PVT1: variants seen among roughly 807,000 people sequenced by gnomAD.
PVT1 encodes the protein CXCR4/PVT1 fusion.
rs115538579 is a variant in PVT1, at chr8:128,046,389, G to A, written n.913-23771G>A. ...GTCGGTCAGTAACTTGTTCAACCTGGGAATGGCAGAGCTGGGATCTGAAGT... is the reference window on the plus strand; with the variant it reads ...GTCGGTCAGTAACTTGTTCAACCTGAGAATGGCAGAGCTGGGATCTGAAGT... On this transcript the variant is annotated intron_variant and non_coding_transcript_variant, in intron 4 of 10. Transcript: ENST00000651587. Among the ~76,000 whole-genome samples, 368 of 152,332 alleles carry A rather than the reference G, an allele frequency of 2.4e-3. 2 individuals carry two copies. The highest frequency in any genetic ancestry group is 8.5e-3 in the African/African-American group (355 of 41,576).
chr8:127,813,091 G>A (rs991893018), intron 2 of PVT1, among the ~76,000 whole-genome samples: 5 of 149,472 alleles, frequency 3.3e-5, no homozygotes, highest in Non-Finnish European at 5.9e-5. Flanking sequence ...ACTTCGTGCC[G>A]GTTTGAACTT....
In PVT1 at chr8:127,972,384, T is replaced by C. The variant is rs537883948; in HGVS notation, n.783-16778T>C. The stretch of plus-strand genomic sequence containing the variant: ...CTCACAGGGTGTTCGATGGTTTCAA[T>C]TGGAGCTGTTGAACTGTGGCCTAAG... On this transcript the variant is annotated intron_variant and non_coding_transcript_variant, in intron 3 of 10. Transcript: ENST00000651587. Among the ~76,000 whole-genome samples, 7 of 152,310 alleles carry C rather than the reference T, an allele frequency of 4.6e-5. No individual in the cohort carries two copies. The East Asian group carries it at 1.4e-3, about 29-fold the overall frequency.
intron 2 of PVT1, among the ~76,000 whole-genome samples, chr8:127,838,230 G>A (rs557903944): frequency 6.6e-6 from 1 of 152,098 alleles, no homozygotes; most frequent in Non-Finnish European, 1.5e-5. Flanking sequence ...ATGTGTATAT[G>A]TAATATCTGA....
chr8:127,869,346 G>T (rs543528616), intron 2 of PVT1, among the ~76,000 whole-genome samples: 8 of 152,014 alleles, frequency 5.3e-5, no homozygotes, highest in African/African-American at 1.9e-4. Context: ...GCCCAGGCTG[G>T]TCTCGAACTC....
At chr8:127,865,718 A>G (rs1312989671) in intron 2 of PVT1, among the ~76,000 whole-genome samples, 1 of 152,234 alleles carries the variant, frequency 6.6e-6, no homozygotes, top group Non-Finnish European at 1.5e-5. Flanking sequence ...GAACTGTATC[A>G]TAATAAATGT....
Position 127,855,481 on chromosome 8 carries a change from G to A in PVT1, n.373-35108G>A, listed in dbSNP as rs1025388736. 5.0e-4 allele frequency among the ~76,000 whole-genome samples: 76 copies of A among 152,176 alleles called. 2 individuals carry two copies. Among genetic ancestry groups the A allele is most frequent in the Non-Finnish European group, 2.4e-4 (16 of 68,034 alleles). On this transcript the variant is annotated intron_variant and non_coding_transcript_variant, in intron 2 of 10. Coordinates refer to ENST00000651587, the Ensembl canonical transcript of PVT1. ...TCCAGCTTCACCCTCCTTTAGTCAG[G>A]TGGCTTTGGGGGGGACATTTCTGCT...
intron 3 of PVT1, among the ~76,000 whole-genome samples, chr8:127,958,802 C>T (rs1329259349): frequency 6.6e-6 from 1 of 152,082 alleles, no homozygotes; most frequent in Non-Finnish European, 1.5e-5. Flanking sequence ...TACGGAATAA[C>T]AATAGTAGCA....
intron 2 of PVT1, among the ~76,000 whole-genome samples, chr8:127,866,944 A>C (rs748347428): frequency 6.6e-6 from 1 of 152,144 alleles, no homozygotes; most frequent in Admixed American, 6.5e-5. Flanking sequence ...CACTAATGCT[A>C]TGTGTGTTTG....
chr8:127,990,524 A>T (rs1353246218), intron 4 of PVT1, among the ~76,000 whole-genome samples: 1 of 152,190 alleles, frequency 6.6e-6, no homozygotes, highest in Non-Finnish European at 1.5e-5. Flanking sequence ...AGAATAAATG[A>T]CATGATGAAA....
At chr8:128,062,791 T>C (rs1813848042) in intron 4 of PVT1, among the ~76,000 whole-genome samples, 1 of 152,194 alleles carries the variant, frequency 6.6e-6, no homozygotes, top group Non-Finnish European at 1.5e-5. Context: ...ACTTGGGTTG[T>C]TATTTCTGAT....
At chr8:127,874,654 T>C (rs2129775183) in intron 2 of PVT1, among the ~76,000 whole-genome samples, 1 of 152,328 alleles carries the variant, frequency 6.6e-6, no homozygotes, top group Non-Finnish European at 1.5e-5. Flanking sequence ...ACCGTGAATG[T>C]TAGCAGTGGG....
At chr8:127,857,438 T>G (rs1482218713) in intron 2 of PVT1, among the ~76,000 whole-genome samples, 1 of 152,042 alleles carries the variant, frequency 6.6e-6, no homozygotes. Flanking sequence ...TTTTAGAGGC[T>G]GAGGCAGGAG....
intron 2 of PVT1, among the ~76,000 whole-genome samples, chr8:127,884,222 T>C (rs1226846529): frequency 1.3e-5 from 2 of 152,236 alleles, no homozygotes; most frequent in African/African-American, 4.8e-5. Context: ...ATGTACTTAA[T>C]CTAAATAACA....
chr8:128,046,376 C>T (rs893209018), intron 4 of PVT1, among the ~76,000 whole-genome samples: 4 of 152,228 alleles, frequency 2.6e-5, no homozygotes, highest in African/African-American at 9.7e-5. Flanking sequence ...CGGTCAGTAA[C>T]TTGTTCAACC....
chr8:128,067,762 G>A (rs1276661845), intron 4 of PVT1, among the ~76,000 whole-genome samples: 5 of 152,126 alleles, frequency 3.3e-5, no homozygotes, highest in Non-Finnish European at 7.4e-5. Flanking sequence ...GGAGGGGGCT[G>A]GAGGAGTGAT....
intron 4 of PVT1, among the ~76,000 whole-genome samples, chr8:127,991,123 T>C (rs1817032551): frequency 6.8e-6 from 1 of 146,448 alleles, no homozygotes; most frequent in Admixed American, 6.8e-5. Flanking sequence ...TACGTAGCTC[T>C]TTTTTTTCTT....
At chr8:127,902,975 T>C (rs1230201537) in intron 3 of PVT1, among the ~76,000 whole-genome samples, 2 of 152,218 alleles carry the variant, frequency 1.3e-5, no homozygotes, top group Non-Finnish European at 2.9e-5. Context: ...GTGGGTTAAA[T>C]GGTAGTTCAA....
intron 5 of PVT1, among the ~76,000 whole-genome samples, chr8:128,091,502 T>C (rs1814352100): frequency 6.6e-6 from 1 of 152,178 alleles, no homozygotes; most frequent in Non-Finnish European, 1.5e-5. Context: ...TCTGGGGAGA[T>C]AATGGGGCTC....
chr8:127,928,407 G>A (rs1439958804), intron 3 of PVT1, among the ~76,000 whole-genome samples: 2 of 152,140 alleles, frequency 1.3e-5, no homozygotes, highest in African/African-American at 2.4e-5. Flanking sequence ...CTCCTACACT[G>A]CAAATTCCCA....
Sources: gnomAD v4.1 joint callset for allele counts (sites outside exome capture counted in the v4.1 genomes callset) on GRCh38, gnomAD v4.1.1 for gene constraint, MANE v1.5 for transcripts, NCBI Gene and HGNC (gene_info 2026-07-23, HGNC 2026-07-21) for gene names.